The following SEC16A variants were observed in gnomAD, a reference collection of about 807,000 sequenced individuals.
SEC16A encodes protein transport protein Sec16A.
SEC16A carries 110 observed loss-of-function variants against 221.9 expected under a neutral mutation model. The observed-to-expected ratio is 0.50, with a 90% CI of 0.42 to 0.58. SEC16A has a LOEUF of 0.58. Among genes scored for constraint, SEC16A ranks in the 20% least tolerant of loss-of-function variants. SEC16A has a pLI of 0.00. For missense variants in SEC16A, 3,165 were observed against 3,097.8 expected, an observed-to-expected ratio of 1.02 and a Z score of -0.52; for synonymous variants, 1,393 against 1,257.7, an observed-to-expected ratio of 1.11 and a Z score of -2.28.
Position 136,463,605 on chromosome 9 carries a change from C to T in SEC16A, c.4509-4G>A. The T allele has an allele frequency of 6.2e-7, 1 of 1,613,782 alleles. No individual in the cohort carries two copies. Among genetic ancestry groups the T allele is most frequent in the African/African-American group, 1.3e-5 (1 of 75,052 alleles). On this transcript the variant is annotated splice_region_variant and splice_polypyrimidine_tract_variant and intron_variant, in intron 10 of 31. Transcript: ENST00000684901. Reference sequence around the variant, plus strand: ...ATCCACCTTATGGGTGTCGTCTCTGCAGAAAGAACACACAGTGAGCAGTGA... The same window carrying T: ...ATCCACCTTATGGGTGTCGTCTCTGTAGAAAGAACACACAGTGAGCAGTGA...
At chr9:136,484,111 CG>C (rs1842733461), upstream of SEC16A, 1 of 163,562 alleles carries the variant, frequency 6.1e-6, no homozygotes, top group South Asian at 1.7e-4. Flanking sequence ...TTTGCTGCGC[CG>C]GGCCCTCCCA....
At position 136,476,282 on chromosome 9, in the gene SEC16A, C is replaced by T; in HGVS notation, c.1334G>A (p.Ser445Asn). ...GCCGCTGGCATCCGGCACCCCTGTG[C>T]TCGCTGTGTCACCCCACACATCACC... ...AAGDVWGDTASTGVPDASGSQ... is the reference protein window; with the variant it reads ...AAGDVWGDTANTGVPDASGSQ... Residue 445 changes from serine to asparagine, a missense_variant, in exon 3 of 32, where the codon AGC (serine) becomes AAC (asparagine). By Grantham distance (46) the Ser-to-Asn change is conservative. This residue lies in a region of SEC16A where 2,030 missense variants were observed against 1,923.1 expected (regional missense o/e 1.06). Transcript: ENST00000684901. 2 of 1,613,266 alleles carry T rather than the reference C, an allele frequency of 1.2e-6. No homozygotes were observed. Among genetic ancestry groups the T allele is most frequent in the Non-Finnish European group, 1.7e-6 (2 of 1,179,888 alleles).
At position 136,466,493 on chromosome 9, in the gene SEC16A, A is replaced by G. The variant is rs552459419; in HGVS notation, c.3930-31T>C. ...GGAAGCCGGGGGACAGAGGCAGAGG[A>G]ATGGGAGTGCCGGAGGCCCCGTCCC... On this transcript the variant is annotated intron_variant, in intron 6 of 31. Transcript: ENST00000684901. This position sits in a 1 kb window ranked among gnomAD's most constrained non-coding sequence, Gnocchi z 5.5. 6.4e-7 allele frequency: 1 copy of G among 1,562,916 alleles called. No individual in the cohort carries two copies. The highest frequency in any genetic ancestry group is 1.4e-5 in the African/African-American group (1 of 73,886).
intron 23 of SEC16A, among the ~76,000 whole-genome samples, chr9:136,449,879 T>C (rs1837549849): frequency 6.6e-6 from 1 of 152,198 alleles, no homozygotes; most frequent in Admixed American, 6.5e-5. Flanking sequence ...CACTGAACTT[T>C]ATTAAAATGA....
intron 30 of SEC16A, among the ~76,000 whole-genome samples, chr9:136,444,715 C>T (rs1337480237): frequency 6.6e-6 from 1 of 151,872 alleles, no homozygotes; most frequent in Non-Finnish European, 1.5e-5. Flanking sequence ...CCCGTCTCTA[C>T]TAAAAATACA....
intron 23 of SEC16A, among the ~76,000 whole-genome samples, chr9:136,450,514 G>A (rs1837641809): frequency 1.3e-5 from 2 of 152,008 alleles, no homozygotes; most frequent in African/African-American, 4.8e-5. Flanking sequence ...ACTTGAACAA[G>A]CACTGCCCCA....
chr9:136,451,967 G>C (rs1262233145), intron 22 of SEC16A, among the ~76,000 whole-genome samples: 1 of 152,164 alleles, frequency 6.6e-6, no homozygotes, highest in Non-Finnish European at 1.5e-5. Context: ...CCAGAATGCG[G>C]TCTGTATAAA....
At position 136,453,611 on chromosome 9, in the gene SEC16A, C is replaced by T. The variant is rs191955038; in HGVS notation, c.6077-101G>A. 1.5e-3 allele frequency: 1,287 copies of T among 863,016 alleles called. 16 individuals are homozygous for T. The East Asian group carries it at 0.026, about 17-fold the overall frequency. The allele number at this position is 863,016 out of a possible 1,614,324, so 53.5% of individuals were successfully genotyped here. On this transcript the variant is annotated intron_variant, in intron 21 of 31. Transcript: ENST00000684901. ...GGCACACCACCTTCCCACCCAGCTA[C>T]CGCCACACCAGCATGATCTGCAGAA... is the stretch of plus-strand genomic sequence containing the variant.
At chr9:136,470,392 CG>C (rs201263176) in intron 4 of SEC16A, among the ~76,000 whole-genome samples, 1 of 152,222 alleles carries the variant, frequency 6.6e-6, no homozygotes, top group East Asian at 1.9e-4. Flanking sequence ...AGAAGGAAAA[CG>C]GAACAGTGAG....
Position 136,476,763 on chromosome 9 carries a change from G to C in SEC16A, c.853C>G (p.His285Asp). ...LPSDGRDEVS[H>D]LQSGSHLANN... Reference sequence around the variant, plus strand: ...GCCAGGTGGCTTCCACTTTGCAAGTGGCTCACCTCGTCTCTTCCGTCACTG... The same window carrying C: ...GCCAGGTGGCTTCCACTTTGCAAGTCGCTCACCTCGTCTCTTCCGTCACTG... The change falls in exon 3 of 32, where the codon CAC becomes GAC. Residue 285 changes from histidine to aspartate, a missense_variant. By Grantham distance (81) the His-to-Asp change is moderately conservative. This residue lies in a region of SEC16A where 2,030 missense variants were observed against 1,923.1 expected (regional missense o/e 1.06). Transcript: ENST00000684901. 6.2e-7 allele frequency: 1 copy of C among 1,610,846 alleles called. No individual in the cohort carries two copies. The highest frequency in any genetic ancestry group is 1.1e-5 in the South Asian group (1 of 90,840).
intron 18 of SEC16A, 52 bp from the exon 19 acceptor site, chr9:136,456,218 T>A (rs1451996531): frequency 3.3e-5 from 45 of 1,372,100 alleles, no homozygotes; most frequent in Non-Finnish European, 4.2e-5. Context: ...TGATGGCAAG[T>A]GAGCCGTCTT....
chr9:136,475,504 G>C lies in SEC16A; in HGVS notation c.2112C>G (p.Pro704=), dbSNP rs753290909. ...GGGTCCTGGCTGAAGGCCTCTTCTC[G>C]GGTGCTGGATACACAGTATCCAAGG... ...APPLDTVYPA[P]EKRPSARTQG... is the part of the protein sequence containing the mutation. Residue 704 remains proline (P), a synonymous_variant, in exon 3 of 32, where the codon CCC becomes CCG. Coordinates refer to ENST00000684901, the MANE Select transcript of SEC16A (RefSeq NM_014866.2). This position sits in a 1 kb window ranked among gnomAD's most constrained non-coding sequence, Gnocchi z 5.0. 3.1e-6 allele frequency: 5 copies of C among 1,609,452 alleles called. No homozygotes were observed. The highest frequency in any genetic ancestry group is 2.2e-5 in the East Asian group (1 of 44,772).
chr9:136,453,570 G>A (rs766386413), intron 21 of SEC16A, 60 bp from the exon 22 acceptor site: 3 of 1,385,822 alleles, frequency 2.2e-6, no homozygotes, highest in Non-Finnish European at 3.1e-6. Context: ...ACGTGTGTGT[G>A]GCGCACAGAT....
rs371421144 is a variant in SEC16A at position 136,445,633 on chromosome 9, G to A, written c.6867+12C>T. 3.9e-6 allele frequency: 6 copies of A among 1,547,306 alleles called. No individual in the cohort carries two copies. Among genetic ancestry groups the A allele is most frequent in the South Asian group, 3.6e-5 (3 of 83,958 alleles). On this transcript the variant is annotated intron_variant, in intron 29 of 31. Coordinates refer to ENST00000684901, the MANE Select transcript of SEC16A (RefSeq NM_014866.2). ...CTGGGCTGCGGGGGGCCCTGGCGTC[G>A]GCACTCCTTACCTCTCCTCCCTGGG...
intron 3 of SEC16A, among the ~76,000 whole-genome samples, chr9:136,473,633 T>C (rs922792983): frequency 5.9e-5 from 9 of 152,240 alleles, no homozygotes; most frequent in Admixed American, 2.0e-4. Flanking sequence ...TAAAGGACTA[T>C]GGTTATACCC....
intron 3 of SEC16A, among the ~76,000 whole-genome samples, chr9:136,472,408 GACCCAGGGC>G (rs1340797703): frequency 6.6e-6 from 1 of 152,226 alleles, no homozygotes; most frequent in Non-Finnish European, 1.5e-5. Flanking sequence ...CCTCTGGATG[GACCCAGGGC>G]ACCAGCATGT....
intron 1 of SEC16A, among the ~76,000 whole-genome samples, 179 bp downstream of exon 1, chr9:136,482,759 G>A (rs1842561756): frequency 6.8e-6 from 1 of 148,016 alleles, no homozygotes; most frequent in South Asian, 2.1e-4. Flanking sequence ...TCTGGCCCGG[G>A]GGCCCGGACG....
intron 31 of SEC16A, among the ~76,000 whole-genome samples, chr9:136,442,473 G>A (rs1836331720): frequency 6.6e-6 from 1 of 152,200 alleles, no homozygotes; most frequent in South Asian, 2.1e-4. Flanking sequence ...GTGAGGGCAG[G>A]CTGGGGTGAC....
chr9:136,447,318 G>A lies in SEC16A; in HGVS notation c.6606C>T (p.Thr2202=), dbSNP rs1218151009. ...GAGCGAGAGCCGGCTCGCTCCGCTGGGTCCCGCTTGGGTTCAGGACGTCAA... is the reference window on the plus strand; with the variant it reads ...GAGCGAGAGCCGGCTCGCTCCGCTGAGTCCCGCTTGGGTTCAGGACGTCAA... The part of the protein sequence containing the change: ...RYVDVLNPSG[T]QRSEPALAPA... The change falls in exon 27 of 32, where the codon ACC becomes ACT. Residue 2202 remains threonine, a synonymous_variant. Coordinates refer to ENST00000684901, the MANE Select transcript of SEC16A (RefSeq NM_014866.2). This position sits in a 1 kb window ranked among gnomAD's most constrained non-coding sequence, Gnocchi z 5.5. The A allele has an allele frequency of 6.3e-7, 1 of 1,595,196 alleles. No individual in the cohort carries two copies. Among genetic ancestry groups the A allele is most frequent in the Non-Finnish European group, 8.5e-7 (1 of 1,171,848 alleles).
Sources: allele counts gnomAD v4.1 joint callset (sites outside exome capture counted in the v4.1 genomes callset), GRCh38; gene constraint gnomAD v4.1.1; regional missense constraint gnomAD v4.1.1; non-coding constraint Gnocchi (gnomAD v3.1); transcripts MANE v1.5; gene names NCBI Gene and HGNC (gene_info 2026-07-23, HGNC 2026-07-21).